Variants in EIF2D observed in about 807,000 individuals in gnomAD.
The protein encoded by EIF2D is eukaryotic translation initiation factor 2D.
In EIF2D, 56 loss-of-function variants were observed where a neutral mutation model predicts 77.4. The observed-to-expected ratio is 0.72, with a 90% confidence interval of 0.58 to 0.90. The LOEUF is 0.90. Among genes scored for constraint, EIF2D ranks in the 40% least tolerant of loss-of-function variants. The probability of loss-of-function intolerance (pLI) is 0.00; values close to 1 mark genes in which losing one functional copy is unlikely to be tolerated. For synonymous variants in EIF2D, 230 were observed against 271.0 expected (o/e 0.85, Z 1.49); for missense variants, 574 against 706.5 (o/e 0.81, Z 2.13).
chr1:206,607,890 G>T (rs1274746254), intron 4 of EIF2D, among the ~76,000 whole-genome samples: 15 of 152,098 alleles, frequency 9.9e-5, no homozygotes, highest in African/African-American at 3.6e-4. Flanking sequence ...CTATATTGTG[G>T]TTATGTAAGA....
intron 5 of EIF2D, chr1:206,603,416 G>A: frequency 3.6e-6 from 2 of 560,094 alleles, no homozygotes; most frequent in Non-Finnish European, 6.2e-6. Context: ...TCTCTGAAAT[G>A]GGGAGAATAA....
downstream of EIF2D, chr1:206,587,267 T>C: frequency 2.6e-6 from 1 of 386,192 alleles, no homozygotes; most frequent in Middle Eastern, 8.4e-4. Flanking sequence ...AACCAAATAG[T>C]TGCCTCTCTC....
At chr1:206,607,293 C>T (rs1397130597) in intron 4 of EIF2D, among the ~76,000 whole-genome samples, 1 of 152,134 alleles carries the variant, frequency 6.6e-6, no homozygotes, top group African/African-American at 2.4e-5. Flanking sequence ...TTTTTAAACA[C>T]ACATACCCTA....
intron 2 of EIF2D, among the ~76,000 whole-genome samples, chr1:206,582,806 A>G (rs13375125): frequency 6.6e-6 from 1 of 152,306 alleles, no homozygotes; most frequent in East Asian, 1.9e-4. Flanking sequence ...CCATGGGTAG[A>G]CGCCTGTCCC....
At chr1:206,609,684 G>A (rs1670375975) in intron 2 of EIF2D, among the ~76,000 whole-genome samples, 1 of 152,216 alleles carries the variant, frequency 6.6e-6, no homozygotes, top group Admixed American at 6.5e-5. Context: ...CCGGATTGCA[G>A]CAGCAGAAAA....
At chr1:206,604,299 C>T (rs1553412154) in intron 5 of EIF2D, among the ~76,000 whole-genome samples, 1 of 151,890 alleles carries the variant, frequency 6.6e-6, no homozygotes, top group Non-Finnish European at 1.5e-5. Context: ...AAAAATTAGC[C>T]GGATGTTTTG....
chr1:206,610,559 G>A (rs1670425911), intron 2 of EIF2D, among the ~76,000 whole-genome samples: 3 of 151,910 alleles, frequency 2.0e-5, no homozygotes, highest in South Asian at 2.1e-4. Flanking sequence ...GGTGGCTCAC[G>A]TCTGTAATTC....
rs1669862654 is a variant in EIF2D, at chr1:206,600,295, G to A, written c.916C>T (p.Gln306Ter). 1 of 1,614,054 alleles carries A rather than the reference G, an allele frequency of 6.2e-7. No homozygotes were observed. The highest frequency in any genetic ancestry group is 1.3e-5 in the African/African-American group (1 of 75,042). Residue 306 changes from glutamine (Q) to a stop codon, truncating the protein, a stop_gained, in exon 8 of 15, where the codon CAA becomes TAA. Transcript: ENST00000271764. LOFTEE classifies it high-confidence loss of function. ...TAGCTTGACTTCTTTATGTCCAGTT[G>A]TCGTCCTTCGGGGCTGATGGCAGAT... ...HMFSCCPEGR[Q>*]LDIKKSSYKK... is the part of the protein sequence containing the mutation.
intron 14 of EIF2D, 121 bp downstream of exon 14, chr1:206,593,498 A>C (rs1333842639): frequency 4.6e-6 from 2 of 431,856 alleles, no homozygotes; most frequent in South Asian, 1.1e-4. Context: ...CGAGAGAGAG[A>C]GAGAGAGAGA....
chr1:206,607,704 C>G (rs1553412980), intron 4 of EIF2D, among the ~76,000 whole-genome samples: 1 of 151,242 alleles, frequency 6.6e-6, no homozygotes, highest in South Asian at 2.1e-4. Context: ...AACAAAAAAA[C>G]AAAAAAGGTC....
rs1553409383 is a variant in EIF2D at position 206,593,512 on chromosome 1, T to TGTGTGC, written c.1684+106_1684+107insGCACAC. On this transcript the variant is annotated intron_variant, in intron 14 of 14. Transcript: ENST00000271764. Reference sequence around the variant, plus strand: ...GCGAGAGAGAGAGAGAGAGAGAGTGTGTGTGTGTGTGTGTGTGTGTGTGTG... The same window carrying TGTGTGC: ...GCGAGAGAGAGAGAGAGAGAGAGTGTGTGTGCGTGTGTGTGTGTGTGTGTGTGTGTG... 231 of 506,344 alleles carry TGTGTGC rather than the reference T, an allele frequency of 4.6e-4. 1 individual carries two copies. Among genetic ancestry groups the TGTGTGC allele is most frequent in the South Asian group, 1.2e-3 (41 of 34,286 alleles). 31.4% of individuals were successfully genotyped at this position (506,344 alleles called of 1,614,324 possible).
chr1:206,599,886 T>A lies in EIF2D; in HGVS notation c.949-50A>T. On this transcript the variant is annotated intron_variant, in intron 8 of 14. Coordinates refer to ENST00000271764, the MANE Select transcript of EIF2D (RefSeq NM_006893.3). This position sits in a 1 kb window ranked among gnomAD's most constrained non-coding sequence, Gnocchi z 4.1. ...GGGGACTTCATTGATTCCACACACA[T>A]ACTGAGCACCCAGGATGTGCCAGAG... The A allele has an allele frequency of 6.4e-7, 1 of 1,552,390 alleles. No homozygotes were observed.
rs1669048098 is a variant in EIF2D, at chr1:206,584,892, C to T, written c.139-3730G>A. On this transcript the variant is annotated intron_variant and NMD_transcript_variant, in intron 2 of 5. Coordinates refer to the EIF2D transcript ENST00000472709. The surrounding 1 kb of genome is among the most constrained non-coding windows in gnomAD (Gnocchi z 4.9). ...ACTCTGCATGTGACTTCAGGAAAAC[C>T]ACACCCTAGGCTCCCATTTCCTGAT... 1.6e-6 allele frequency: 1 copy of T among 609,824 alleles called. No individual in the cohort carries two copies. Among genetic ancestry groups the T allele is most frequent in the Non-Finnish European group, 2.9e-6 (1 of 347,080 alleles). The allele number at this position is 609,824 out of a possible 1,614,324, so 37.8% of individuals were successfully genotyped here.
At position 206,584,222 on chromosome 1, in the gene EIF2D, T is replaced by C. The variant is rs1032968064; in HGVS notation, c.139-3060A>G. Among the ~76,000 whole-genome samples, 5 of 152,188 alleles carry C rather than the reference T, an allele frequency of 3.3e-5. No individual in the cohort carries two copies. Among genetic ancestry groups the C allele is most frequent in the African/African-American group, 1.2e-4 (5 of 41,450 alleles). ...CTGAGGGTCTTCTCCCAGCCCACTA[T>C]GGGGAAAGGGATCTCTGCTCCTTCC... On this transcript the variant is annotated intron_variant and NMD_transcript_variant, in intron 2 of 5. Transcript: ENST00000472709. The surrounding 1 kb of genome is among the most constrained non-coding windows in gnomAD (Gnocchi z 4.9).
At chr1:206,588,631 CCT>C (rs1167932138), downstream of EIF2D, 1 of 152,392 alleles carries the variant, frequency 6.6e-6, no homozygotes, top group African/African-American at 2.4e-5. Flanking sequence ...CCATACTGCC[CCT>C]GATCCCAGAA....
At chr1:206,583,322 C>G in intron 2 of EIF2D, 3 of 1,613,930 alleles carry the variant, frequency 1.9e-6, no homozygotes, top group East Asian at 2.2e-5. Context: ...TGCAGGAGAT[C>G]AAGCAGAAGA....
In EIF2D at chr1:206,593,808, G is replaced by T; in HGVS notation, c.1510-15C>A. ...ACCACGGTCACCTGGGGGGACAGTG[G>T]GGACAGAGACTGACGGTGGTGACTG... is the stretch of plus-strand genomic sequence containing the variant. On this transcript the variant is annotated splice_polypyrimidine_tract_variant and intron_variant, in intron 13 of 14. Transcript: ENST00000271764. 1 of 1,588,478 alleles carries T rather than the reference G, an allele frequency of 6.3e-7. No individual in the cohort carries two copies. Among genetic ancestry groups the T allele is most frequent in the South Asian group, 1.1e-5 (1 of 89,164 alleles).
chr1:206,597,301 A>G (rs1572393842), intron 11 of EIF2D, 106 bp from the exon 12 acceptor site: 1 of 783,560 alleles, frequency 1.3e-6, no homozygotes, highest in East Asian at 2.7e-5. Context: ...CATTCAGGAT[A>G]TGAATCAATT....
intron 13 of EIF2D, chr1:206,595,134 G>A (rs1455036140): frequency 1.3e-5 from 2 of 152,306 alleles, no homozygotes; most frequent in African/African-American, 4.8e-5. Flanking sequence ...ACTATCCAAA[G>A]CCCACGCTCG....
Sources: allele counts gnomAD v4.1 joint callset (sites outside exome capture counted in the v4.1 genomes callset), GRCh38; gene constraint gnomAD v4.1.1; non-coding constraint Gnocchi (gnomAD v3.1); transcripts MANE v1.5; gene names NCBI Gene and HGNC (gene_info 2026-07-23, HGNC 2026-07-21).